The following MYOF variants were observed in gnomAD, a reference collection of about 807,000 sequenced individuals.
MYOF encodes fer-1-like 3, myoferlin.
In MYOF, 244 loss-of-function variants were observed where a neutral mutation model predicts 284.2. The ratio of observed to expected loss-of-function variants is 0.86; its 90% CI spans 0.77 to 0.95. The LOEUF is 0.95. Ranked by LOEUF, MYOF falls within the 40% of genes least tolerant of loss-of-function variation. The probability of loss-of-function intolerance (pLI) is 0.00; values close to 1 mark genes in which losing one functional copy is unlikely to be tolerated. For synonymous variants in MYOF, 904 were observed against 919.7 expected (o/e 0.98, Z 0.31); for missense variants, 2,496 against 2,560.6 (o/e 0.97, Z 0.54).
In MYOF at chr10:93,349,637, A is replaced by G. The variant is rs73317544; in HGVS notation, c.4083+171T>C. Reference sequence around the variant, plus strand: ...TATTTTGAAGCTTTAAGAAATCATCACTACAGTGGGAGAATTTAAGGGGAA... The same window carrying G: ...TATTTTGAAGCTTTAAGAAATCATCGCTACAGTGGGAGAATTTAAGGGGAA... On this transcript the variant is annotated intron_variant, in intron 36 of 53. Coordinates refer to ENST00000359263, the MANE Select transcript of MYOF (RefSeq NM_013451.4). Among the ~76,000 whole-genome samples the G allele has an allele frequency of 9.7e-3, 1,483 of 152,272 alleles. 31 individuals are homozygous for G. Among genetic ancestry groups the G allele is most frequent in the African/African-American group, 0.032 (1,333 of 41,526 alleles).
chr10:93,449,146 T>C (rs1232228949), intron 3 of MYOF, among the ~76,000 whole-genome samples: 1 of 152,188 alleles, frequency 6.6e-6, no homozygotes, highest in African/African-American at 2.4e-5. Context: ...GTGCTGTAAG[T>C]GTGAAGCAAA....
chr10:93,481,839 T>G (rs1418397), intron 1 of MYOF, among the ~76,000 whole-genome samples: 147,221 of 152,240 alleles, frequency 0.97, 71,384 homozygotes, highest in East Asian at 1. Flanking sequence ...TGAAATTTAG[T>G]GATTCGCAAA....
At chr10:93,452,265 G>T in intron 2 of MYOF, 124 bp from the exon 3 acceptor site, 1 of 730,878 alleles carries the variant, frequency 1.4e-6, no homozygotes, top group Non-Finnish European at 2.4e-6. Flanking sequence ...ATCTTTTGAA[G>T]TTATGCAGAA....
At chr10:93,368,359 T>C (rs1428029223) in intron 25 of MYOF, among the ~76,000 whole-genome samples, 1 of 152,224 alleles carries the variant, frequency 6.6e-6, no homozygotes, top group Non-Finnish European at 1.5e-5. Flanking sequence ...GAATCACCAC[T>C]GCTGCTAATC....
chr10:93,407,161 C>T (rs969759831), intron 7 of MYOF, among the ~76,000 whole-genome samples: 43 of 152,264 alleles, frequency 2.8e-4, no homozygotes, highest in South Asian at 2.1e-4. Flanking sequence ...CGCAGTGGCT[C>T]ATGCCTGTAA....
intron 37 of MYOF, among the ~76,000 whole-genome samples, chr10:93,346,858 C>T (rs1844206936): frequency 6.6e-6 from 1 of 152,148 alleles, no homozygotes; most frequent in Non-Finnish European, 1.5e-5. Context: ...ATATCTAGAA[C>T]AGCACGTGGC....
intron 19 of MYOF, among the ~76,000 whole-genome samples, chr10:93,382,146 G>A (rs544029748): frequency 4.3e-4 from 65 of 152,292 alleles, no homozygotes; most frequent in African/African-American, 1.5e-3. Context: ...GTTAACAGTA[G>A]TTATGTTGAA....
intron 5 of MYOF, among the ~76,000 whole-genome samples, chr10:93,414,209 A>G (rs812017): frequency 0.88 from 134,262 of 151,824 alleles, 60,356 homozygotes; most frequent in Non-Finnish European, 0.96. Flanking sequence ...GTGGTCACAC[A>G]GCCTTTCTCC....
rs745392257 is a variant in MYOF at position 93,328,817 on chromosome 10, C to T, written c.5077G>A (p.Glu1693Lys). 4.3e-6 allele frequency: 7 copies of T among 1,613,606 alleles called. No homozygotes were observed. Among genetic ancestry groups the T allele is most frequent in the Admixed American group, 3.3e-5 (2 of 60,028 alleles). The change falls in exon 45 of 54, where the codon GAA becomes AAA. Residue 1693 changes from glutamate to lysine, a missense_variant. Glu to Lys is a moderately conservative substitution (Grantham distance 56). Coordinates refer to ENST00000359263, the MANE Select transcript of MYOF (RefSeq NM_013451.4). ...CCATATCTGATTCTACTCCCATCTT[C>T]GGAAAGGATGGGTTGTGGGAAGCCT... The part of the protein sequence containing the change: ...FKGFPQPILS[E>K]DGSRIRYGGR...
intron 3 of MYOF, 130 bp downstream of exon 3, chr10:93,451,920 G>A: frequency 2.7e-6 from 2 of 727,834 alleles, no homozygotes; most frequent in East Asian, 2.5e-5. Flanking sequence ...GAAGGGAGCG[G>A]GGCATGGAAT....
rs1842330691 is a variant in MYOF at position 93,310,467 on chromosome 10, C to A, written c.5999+67G>T. On this transcript the variant is annotated intron_variant, in intron 52 of 53. Transcript: ENST00000359263. ...ACAAAAGCTAATCCATCCCATTAAG[C>A]CAATGGGAAGGGGGGCTCTCAGCCT... is the stretch of plus-strand genomic sequence containing the variant. The A allele has an allele frequency of 8.1e-6, 12 of 1,473,550 alleles. No individual in the cohort carries two copies. In the South Asian group the frequency reaches 1.4e-4, roughly 17 times the overall value. 91.3% of individuals were successfully genotyped at this position (1,473,550 alleles called of 1,614,324 possible).
intron 13 of MYOF, among the ~76,000 whole-genome samples, chr10:93,399,030 G>GT (rs539632207): frequency 9.4e-3 from 58 of 6,164 alleles, no homozygotes; most frequent in African/African-American, 0.01. Flanking sequence ...ACAGGGCACT[G>GT]GGGGGGGGTC....
chr10:93,410,527 G>T lies in MYOF; in HGVS notation c.434-788C>A, dbSNP rs1847859040. Among the ~76,000 whole-genome samples, 3 of 152,166 alleles carry T rather than the reference G, an allele frequency of 2.0e-5. No homozygotes were observed. The South Asian group carries it at 6.2e-4, about 32-fold the overall frequency. On this transcript the variant is annotated intron_variant, in intron 5 of 53. Coordinates refer to ENST00000359263, the MANE Select transcript of MYOF (RefSeq NM_013451.4). ...TACCTCTGGGGGTTCCGTCTCTATT[G>T]CAGCTTTTCCTCTGCCTTCAAGTAG... is the stretch of plus-strand genomic sequence containing the variant.
At chr10:93,401,211 G>A (rs1847277082) in intron 12 of MYOF, among the ~76,000 whole-genome samples, 2 of 152,186 alleles carry the variant, frequency 1.3e-5, no homozygotes, top group African/African-American at 4.8e-5. Flanking sequence ...TACTCAACAA[G>A]GAACATGATC....
chr10:93,412,065 G>C (rs1016810998), intron 5 of MYOF, among the ~76,000 whole-genome samples: 1 of 152,090 alleles, frequency 6.6e-6, no homozygotes, highest in African/African-American at 2.4e-5. Flanking sequence ...TCCTAGAAGG[G>C]ACCTTAGAGA....
intron 30 of MYOF, 55 bp downstream of exon 30, chr10:93,356,620 C>T: frequency 6.4e-7 from 1 of 1,554,172 alleles, no homozygotes; most frequent in East Asian, 2.2e-5. Flanking sequence ...GTATCCAACA[C>T]TCATATATTT....
In MYOF at chr10:93,339,013, C is replaced by CTTTTTTT. The variant is rs59509598; in HGVS notation, c.4339-1107_4339-1101dup. 3.8e-3 allele frequency among the ~76,000 whole-genome samples: 497 copies of CTTTTTTT among 131,352 alleles called. 9 individuals carry two copies. The highest frequency in any genetic ancestry group is 0.013 in the African/African-American group (476 of 35,416). The allele number at this position is 131,352 out of a possible 152,430, so 86.2% of individuals were successfully genotyped here. A position where few individuals can be genotyped will look rare whatever the true frequency, so the allele number is the denominator to read the frequency against. ...GAAGAAGGGACAAGAAAGGCTACCA[C>CTTTTTTT]TTTTTTTTTTTTTTTTTTGAGACGG... is the stretch of plus-strand genomic sequence containing the variant. On this transcript the variant is annotated intron_variant, in intron 39 of 53. Coordinates refer to ENST00000359263, the MANE Select transcript of MYOF (RefSeq NM_013451.4).
chr10:93,366,960 C>A (rs796717603), intron 25 of MYOF, among the ~76,000 whole-genome samples: 4 of 152,282 alleles, frequency 2.6e-5, no homozygotes, highest in African/African-American at 9.6e-5. Context: ...TATGAATGAG[C>A]AGATTTTATA....
intron 13 of MYOF, among the ~76,000 whole-genome samples, chr10:93,397,773 A>G (rs1243548353): frequency 1.3e-5 from 2 of 151,902 alleles, no homozygotes; most frequent in East Asian, 3.9e-4. Context: ...GGAAGCATCT[A>G]CCATTAACAC....
Sources: allele counts gnomAD v4.1 joint callset (sites outside exome capture counted in the v4.1 genomes callset), GRCh38; gene constraint gnomAD v4.1.1; transcripts MANE v1.5; gene names NCBI Gene and HGNC (gene_info 2026-07-23, HGNC 2026-07-21).